Variants in QKI observed in about 807,000 individuals in gnomAD.
QKI encodes KH domain-containing RNA-binding protein QKI.
QKI carries 10 observed loss-of-function variants against 39.0 expected under a neutral mutation model. That is an observed-to-expected ratio of 0.26 (90% confidence interval 0.16 to 0.43). The LOEUF (loss-of-function observed/expected upper bound fraction) is 0.43, where lower values mean the gene tolerates loss of function less well. QKI is among the 20% of genes least tolerant of loss of function. The probability of loss-of-function intolerance (pLI) is 1.00; values close to 1 mark genes in which losing one functional copy is unlikely to be tolerated. For synonymous variants in QKI, 204 were observed against 155.4 expected (o/e 1.31, Z -2.33); for missense variants, 218 against 428.0 (o/e 0.51, Z 4.33).
intron 6 of QKI, chr6:163,566,052 A>G: frequency 1.3e-6 from 2 of 1,582,434 alleles, no homozygotes; most frequent in South Asian, 2.3e-5. Context: ...CCGGGGGAAA[A>G]AAGCTTAGCC....
chr6:163,563,134 A>C (rs1347270207), intron 5 of QKI, among the ~76,000 whole-genome samples: 2 of 152,196 alleles, frequency 1.3e-5, no homozygotes, highest in Non-Finnish European at 2.9e-5. Context: ...GAAATCTTAG[A>C]TATATCAAAT....
chr6:163,484,605 C>T (rs1390635568), intron 3 of QKI, among the ~76,000 whole-genome samples: 3 of 152,166 alleles, frequency 2.0e-5, no homozygotes, highest in South Asian at 2.1e-4. Flanking sequence ...AGAGAATCAG[C>T]CTGTCTTTGG....
intron 1 of QKI, among the ~76,000 whole-genome samples, chr6:163,447,383 T>C (rs1404262401): frequency 6.6e-6 from 1 of 152,082 alleles, no homozygotes; most frequent in African/African-American, 2.4e-5. Context: ...TTCTAGCTAC[T>C]TTGAAATATA....
chr6:163,501,940 G>A lies in QKI; in HGVS notation c.402+23044G>A, dbSNP rs570684471. Among the ~76,000 whole-genome samples, 22 of 60,574 alleles carry A rather than the reference G, an allele frequency of 3.6e-4. No homozygotes were observed. In the South Asian group the frequency reaches 0.014, roughly 40 times the overall value. 39.7% of individuals were successfully genotyped at this position (60,574 alleles called of 152,430 possible). A position where few individuals can be genotyped will look rare whatever the true frequency, so the allele number is the denominator to read the frequency against. ...CTTTGTTTTTGGTAAATCCTTTGAGGATAAAAAACTGTTTGTTATGTGTCC... is the reference window on the plus strand; with the variant it reads ...CTTTGTTTTTGGTAAATCCTTTGAGAATAAAAAACTGTTTGTTATGTGTCC... On this transcript the variant is annotated intron_variant, in intron 3 of 7. Coordinates refer to ENST00000361752, the MANE Select transcript of QKI (RefSeq NM_006775.3).
chr6:163,480,647 G>A (rs1793007661), intron 3 of QKI, among the ~76,000 whole-genome samples: 1 of 152,122 alleles, frequency 6.6e-6, no homozygotes, highest in African/African-American at 2.4e-5. Flanking sequence ...AATTTTAGAT[G>A]TATTAAATTT....
chr6:163,488,532 A>G (rs1777828850), intron 3 of QKI, among the ~76,000 whole-genome samples: 1 of 152,122 alleles, frequency 6.6e-6, no homozygotes, highest in African/African-American at 2.4e-5. Flanking sequence ...TCTGGTTCCT[A>G]GTGACACAAA....
intron 4 of QKI, among the ~76,000 whole-genome samples, chr6:163,556,578 T>C (rs1401046444): frequency 8.0e-5 from 12 of 149,156 alleles, no homozygotes; most frequent in Non-Finnish European, 1.8e-4. Context: ...TTAATATGCA[T>C]AAATTAAAAT....
At chr6:163,429,235 CTTAT>C (rs1193408045) in intron 1 of QKI, among the ~76,000 whole-genome samples, 4 of 152,042 alleles carry the variant, frequency 2.6e-5, no homozygotes, top group Non-Finnish European at 4.4e-5. Flanking sequence ...TTATAAAGAA[CTTAT>C]TTATCAGAAG....
intron 2 of QKI, among the ~76,000 whole-genome samples, chr6:163,472,589 T>C (rs1191819097): frequency 6.6e-6 from 1 of 152,204 alleles, no homozygotes; most frequent in African/African-American, 2.4e-5. Context: ...TTGCATTCTT[T>C]TTAAGCACCT....
At chr6:163,510,215 CAAAATAATA>C (rs1779356068) in intron 3 of QKI, among the ~76,000 whole-genome samples, 1 of 59,482 alleles carries the variant, frequency 1.7e-5, no homozygotes, top group Non-Finnish European at 3.2e-5. Context: ...GACTCTATCT[CAAAATAATA>C]ATAATAATAA....
intron 4 of QKI, among the ~76,000 whole-genome samples, chr6:163,558,430 C>T (rs1385874254): frequency 2.1e-5 from 3 of 143,224 alleles, no homozygotes; most frequent in East Asian, 2.0e-4. Context: ...GAGACAGTCT[C>T]GCCCTGTTGC....
chr6:163,568,487 AAC>A, intron 7 of QKI: 1 of 985,668 alleles, frequency 1.0e-6, no homozygotes, highest in Non-Finnish European at 1.2e-6. Flanking sequence ...AGTGTCAGCA[AAC>A]CGAAATGCTC....
chr6:163,516,409 C>T (rs952334007), intron 3 of QKI, among the ~76,000 whole-genome samples: 1 of 152,120 alleles, frequency 6.6e-6, no homozygotes, highest in African/African-American at 2.4e-5. Context: ...GTTCTCCTGC[C>T]TCAGCCTCCC....
intron 2 of QKI, among the ~76,000 whole-genome samples, chr6:163,463,666 T>C (rs565631319): frequency 6.6e-6 from 1 of 152,296 alleles, no homozygotes; most frequent in South Asian, 2.1e-4. Flanking sequence ...GTGAGGAAGA[T>C]AGATTATCAC....
chr6:163,452,175 T>G (rs1166343514), intron 1 of QKI, among the ~76,000 whole-genome samples: 2 of 152,194 alleles, frequency 1.3e-5, no homozygotes, highest in African/African-American at 4.8e-5. Flanking sequence ...TTGCTCTGAC[T>G]CGAGTGTTCT....
At chr6:163,478,285 C>T (rs748023507) in intron 2 of QKI, among the ~76,000 whole-genome samples, 7 of 152,106 alleles carry the variant, frequency 4.6e-5, no homozygotes, top group African/African-American at 1.2e-4. Flanking sequence ...CCATAGTTTT[C>T]GTAACATATT....
At chr6:163,418,430 G>A (rs1301632144) in intron 1 of QKI, among the ~76,000 whole-genome samples, 4 of 152,102 alleles carry the variant, frequency 2.6e-5, no homozygotes, top group Non-Finnish European at 5.9e-5. Context: ...TTAACCTTTA[G>A]TCTGTATCTT....
chr6:163,446,807 C>T (rs574575636), intron 1 of QKI, among the ~76,000 whole-genome samples: 9 of 152,274 alleles, frequency 5.9e-5, no homozygotes, highest in East Asian at 1.9e-4. Flanking sequence ...CCAAGTCCCC[C>T]GCTCTGTTCT....
intron 1 of QKI, among the ~76,000 whole-genome samples, chr6:163,439,441 G>T (rs1789582432): frequency 6.7e-6 from 1 of 149,092 alleles, no homozygotes; most frequent in South Asian, 2.1e-4. Context: ...TCCGCCTCCT[G>T]GTTTCAAGTG....
Sources: gnomAD v4.1 joint callset for allele counts (sites outside exome capture counted in the v4.1 genomes callset) on GRCh38, gnomAD v4.1.1 for gene constraint, MANE v1.5 for transcripts, NCBI Gene and HGNC (gene_info 2026-07-23, HGNC 2026-07-21) for gene names.